NXPH1: variants seen among roughly 807,000 people sequenced by gnomAD.
The protein encoded by NXPH1 is neurexophilin-1.
A neutral mutation model predicts 23.7 loss-of-function variants in NXPH1; 5 were observed. The observed-to-expected ratio is 0.21, with a 90% CI of 0.11 to 0.44. NXPH1 has a LOEUF of 0.44. Ranked by LOEUF, NXPH1 falls within the 20% of genes least tolerant of loss-of-function variation. NXPH1 has a pLI of 0.99. For synonymous variants in NXPH1, 144 were observed against 122.2 expected, an observed-to-expected ratio of 1.18 and a Z score of -1.18; for missense variants, 324 against 321.6, an observed-to-expected ratio of 1.01 and a Z score of -0.06.
chr7:8,461,365 C>G (rs770997484), intron 2 of NXPH1, among the ~76,000 whole-genome samples: 5 of 152,066 alleles, frequency 3.3e-5, no homozygotes, highest in Non-Finnish European at 7.4e-5. Context: ...TACTCCCAAG[C>G]TCTAAGGTGG....
intron 2 of NXPH1, among the ~76,000 whole-genome samples, chr7:8,602,378 ACTC>A (rs1489969638): frequency 6.6e-6 from 1 of 151,576 alleles, no homozygotes; most frequent in Non-Finnish European, 1.5e-5. Context: ...TGTTTTTAAG[ACTC>A]CTCATGGTCT....
chr7:8,741,310 G>A (rs184676790), intron 2 of NXPH1, among the ~76,000 whole-genome samples: 39 of 151,802 alleles, frequency 2.6e-4, no homozygotes, highest in Non-Finnish European at 4.1e-4. Flanking sequence ...ATCCCTTGAT[G>A]GACACTTAGG....
chr7:8,586,533 A>G (rs1337305699), intron 2 of NXPH1, among the ~76,000 whole-genome samples: 1 of 151,972 alleles, frequency 6.6e-6, no homozygotes, highest in East Asian at 1.9e-4. Context: ...TCAGTCTTGA[A>G]GAGTAGAGCC....
intron 2 of NXPH1, among the ~76,000 whole-genome samples, chr7:8,480,175 C>T (rs750847123): frequency 6.6e-6 from 1 of 151,984 alleles, no homozygotes; most frequent in South Asian, 2.1e-4. Context: ...GTGGTGGTTG[C>T]AGGAAGTTGG....
intron 2 of NXPH1, among the ~76,000 whole-genome samples, chr7:8,642,813 G>A (rs116522214): frequency 5.3e-5 from 8 of 151,874 alleles, no homozygotes; most frequent in African/African-American, 1.9e-4. Context: ...TAATGGGAAA[G>A]TTCTTAATGT....
At chr7:8,623,469 C>G (rs977500079) in intron 2 of NXPH1, among the ~76,000 whole-genome samples, 1 of 151,844 alleles carries the variant, frequency 6.6e-6, no homozygotes, top group Non-Finnish European at 1.5e-5. Context: ...AAACTAAATA[C>G]TTGAGAGAAA....
At chr7:8,537,431 A>T (rs1332399059) in intron 2 of NXPH1, among the ~76,000 whole-genome samples, 2 of 151,950 alleles carry the variant, frequency 1.3e-5, no homozygotes, top group Non-Finnish European at 2.9e-5. Flanking sequence ...GGGGAAGCAA[A>T]CATGTCCTTC....
chr7:8,723,329 A>G (rs536609668), intron 2 of NXPH1, among the ~76,000 whole-genome samples: 1 of 152,316 alleles, frequency 6.6e-6, no homozygotes, highest in Admixed American at 6.5e-5. Flanking sequence ...TTACCACATT[A>G]GGATCAAATT....
At chr7:8,688,684 A>G (rs113409862) in intron 2 of NXPH1, among the ~76,000 whole-genome samples, 6 of 152,212 alleles carry the variant, frequency 3.9e-5, no homozygotes, top group Non-Finnish European at 5.9e-5. Context: ...GGCACTCATC[A>G]GACAGTCCTA....
intron 2 of NXPH1, among the ~76,000 whole-genome samples, chr7:8,525,207 T>C (rs567915374): frequency 7.9e-5 from 12 of 152,208 alleles, no homozygotes; most frequent in Non-Finnish European, 1.2e-4. Flanking sequence ...TGTTATGTTT[T>C]AGCAAAGAGA....
intron 2 of NXPH1, among the ~76,000 whole-genome samples, chr7:8,455,597 C>A (rs557049975): frequency 6.6e-6 from 1 of 151,812 alleles, no homozygotes; most frequent in East Asian, 1.9e-4. Flanking sequence ...ATTGCCATTA[C>A]TGTCCAGAGA....
chr7:8,720,930 G>A (rs982872881), intron 2 of NXPH1, among the ~76,000 whole-genome samples: 15 of 152,172 alleles, frequency 9.9e-5, no homozygotes, highest in African/African-American at 3.4e-4. Context: ...AAAATGTAAA[G>A]AACCAGAAAT....
Position 8,477,598 on chromosome 7 carries a change from C to T in NXPH1, c.54+41831C>T, listed in dbSNP as rs114924384. Among the ~76,000 whole-genome samples, 821 of 152,018 alleles carry T rather than the reference C, an allele frequency of 5.4e-3. 7 individuals are homozygous for T. Among genetic ancestry groups the T allele is most frequent in the African/African-American group, 0.015 (624 of 41,382 alleles). ...CCTAATTTTCTCACAAGTCTTAATG[C>T]GCCTCTTAACGTAATTCTAGATTTA... On this transcript the variant is annotated intron_variant, in intron 2 of 2. Transcript: ENST00000405863.
intron 2 of NXPH1, among the ~76,000 whole-genome samples, chr7:8,546,411 GTAAT>G (rs1246606978): frequency 6.6e-6 from 1 of 151,352 alleles, no homozygotes. Context: ...GTATTCCAGC[GTAAT>G]TAATTGTGTT....
intron 2 of NXPH1, among the ~76,000 whole-genome samples, chr7:8,734,350 T>C (rs1469198597): frequency 6.6e-6 from 1 of 152,192 alleles, no homozygotes; most frequent in East Asian, 1.9e-4. Context: ...TTGTCTTGGC[T>C]ATACGGGCTC....
chr7:8,597,617 A>T (rs1819254437), intron 2 of NXPH1, among the ~76,000 whole-genome samples: 1 of 149,774 alleles, frequency 6.7e-6, no homozygotes, highest in African/African-American at 2.4e-5. Context: ...TCATTCAGTC[A>T]TCAGAGTTGT....
At chr7:8,711,258 G>C (rs948620430) in intron 2 of NXPH1, among the ~76,000 whole-genome samples, 2 of 151,976 alleles carry the variant, frequency 1.3e-5, no homozygotes, top group Non-Finnish European at 2.9e-5. Context: ...TTGTATATTT[G>C]GTTCTCTTTG....
In NXPH1 at chr7:8,532,931, G is replaced by C. The variant is rs541264968; in HGVS notation, c.54+97164G>C. Among the ~76,000 whole-genome samples, 15 of 152,264 alleles carry C rather than the reference G, an allele frequency of 9.9e-5. No individual in the cohort carries two copies. The South Asian group carries it at 2.7e-3, about 27-fold the overall frequency. On this transcript the variant is annotated intron_variant, in intron 2 of 2. Coordinates refer to ENST00000405863, the MANE Select transcript of NXPH1 (RefSeq NM_152745.3). ...CAATGTATGTTAAACATTTAGCTTAGAGCCTGATAAATAGTGTACTATTGC... is the reference window on the plus strand; with the variant it reads ...CAATGTATGTTAAACATTTAGCTTACAGCCTGATAAATAGTGTACTATTGC...
intron 2 of NXPH1, among the ~76,000 whole-genome samples, chr7:8,732,042 G>C (rs1382400173): frequency 6.6e-6 from 1 of 152,222 alleles, no homozygotes; most frequent in African/African-American, 2.4e-5. Flanking sequence ...ATAATCTCCT[G>C]GTGCGCCATT....
Sources: allele counts gnomAD v4.1 joint callset (sites outside exome capture counted in the v4.1 genomes callset), GRCh38; gene constraint gnomAD v4.1.1; transcripts MANE v1.5; gene names NCBI Gene and HGNC (gene_info 2026-07-23, HGNC 2026-07-21).